The following PLEKHH1 variants were observed in gnomAD, a reference collection of about 807,000 sequenced individuals.
The protein encoded by PLEKHH1 is pleckstrin homology domain-containing family H member 1.
A neutral mutation model predicts 160.0 loss-of-function variants in PLEKHH1; 104 were observed. The observed-to-expected ratio is 0.65, with a 90% confidence interval of 0.55 to 0.76. The LOEUF is 0.76. PLEKHH1 is among the 30% of genes least tolerant of loss of function. The probability of loss-of-function intolerance (pLI) is 0.00; values close to 1 mark genes in which losing one functional copy is unlikely to be tolerated. For synonymous variants in PLEKHH1, 619 were observed against 678.4 expected (o/e 0.91, Z 1.36); for missense variants, 1,427 against 1,724.1 (o/e 0.83, Z 3.05).
chr14:67,549,051 A>T (rs971237801), intron 2 of PLEKHH1, among the ~76,000 whole-genome samples: 1 of 152,232 alleles, frequency 6.6e-6, no homozygotes, highest in Non-Finnish European at 1.5e-5. Flanking sequence ...CCAGAAAAAC[A>T]TATCCTAAAA....
At chr14:67,558,498 C>T (rs1428261910) in intron 4 of PLEKHH1, among the ~76,000 whole-genome samples, 1 of 152,198 alleles carries the variant, frequency 6.6e-6, no homozygotes, top group Non-Finnish European at 1.5e-5. Context: ...TGATTTTAGA[C>T]ATACCTTCTC....
At chr14:67,571,983 C>A in intron 10 of PLEKHH1, 81 bp downstream of exon 10, 2 of 1,508,972 alleles carry the variant, frequency 1.3e-6, no homozygotes, top group South Asian at 1.2e-5. Flanking sequence ...ACATGGGCGT[C>A]CCCACTTGAT....
rs376972291 is a variant in PLEKHH1, at chr14:67,587,066, C to A, written c.3934-8C>A. ...TTCAATTCCTTCACATCTCTGACCT[C>A]CTCTTAGATTGCAGAAGCTACCTTC... On this transcript the variant is annotated splice_region_variant and splice_polypyrimidine_tract_variant and intron_variant, in intron 28 of 28. Coordinates refer to ENST00000329153, the MANE Select transcript of PLEKHH1 (RefSeq NM_020715.3). 8.4e-5 allele frequency: 134 copies of A among 1,586,382 alleles called. No homozygotes were observed. The African/African-American group carries it at 1.7e-3, about 20-fold the overall frequency.
At chr14:67,569,070 C>A (rs2035244137) in intron 7 of PLEKHH1, 68 bp from the exon 8 acceptor site, 2 of 1,086,686 alleles carry the variant, frequency 1.8e-6, no homozygotes, top group Non-Finnish European at 2.8e-6. Context: ...CTTTTTCCTG[C>A]ACATGCCTGG....
chr14:67,587,122 A>G lies in PLEKHH1; in HGVS notation c.3982A>G (p.Thr1328Ala), dbSNP rs1366450580. 2.0e-5 allele frequency: 32 copies of G among 1,613,638 alleles called. No homozygotes were observed. Among genetic ancestry groups the G allele is most frequent in the Non-Finnish European group, 2.7e-5 (32 of 1,179,804 alleles). Residue 1328 changes from threonine (T) to alanine (A), a missense_variant, in exon 29 of 29, where the codon ACA becomes GCA. Physicochemically the swap from Thr to Ala is moderately conservative, Grantham distance 58. This residue lies in a region of PLEKHH1 where 96 missense variants were observed against 97.6 expected (regional missense o/e 0.98). Coordinates refer to ENST00000329153, the MANE Select transcript of PLEKHH1 (RefSeq NM_020715.3). ...IMASYMNHCT[T>A]TVNPPTNPPG... is the part of the protein sequence containing the mutation. ...GGCCAGCTATATGAACCATTGCACT[A>G]CAACTGTGAACCCCCCCACCAACCC...
In PLEKHH1 at chr14:67,576,310, G is replaced by A. The variant is rs1003437694; in HGVS notation, c.2353-85G>A. ...AACTAGCTGAACCCCACATGGGCTT[G>A]GTCCCTTCAAGGAGTCCTCCTTGGA... On this transcript the variant is annotated intron_variant, in intron 16 of 28. Coordinates refer to ENST00000329153, the MANE Select transcript of PLEKHH1 (RefSeq NM_020715.3). The surrounding 1 kb of genome is among the most constrained non-coding windows in gnomAD (Gnocchi z 4.0). 1.5e-5 allele frequency: 11 copies of A among 731,026 alleles called. No homozygotes were observed. The highest frequency in any genetic ancestry group is 3.6e-5 in the South Asian group (2 of 55,944). 45.3% of individuals were successfully genotyped at this position (731,026 alleles called of 1,614,324 possible). A position where few individuals can be genotyped will look rare whatever the true frequency, so the allele number is the denominator to read the frequency against.
intron 1 of PLEKHH1, among the ~76,000 whole-genome samples, chr14:67,538,272 G>A (rs2033821813): frequency 6.6e-6 from 1 of 152,182 alleles, no homozygotes; most frequent in Non-Finnish European, 1.5e-5. Flanking sequence ...GAGGACAATT[G>A]TAGATATTGG....
In PLEKHH1 at chr14:67,578,125, C is replaced by T. The variant is rs569001233; in HGVS notation, c.2677C>T (p.Leu893=). The change falls in exon 19 of 29, where the codon CTG becomes TTG. Residue 893 remains leucine (L), a synonymous_variant. Coordinates refer to ENST00000329153, the MANE Select transcript of PLEKHH1 (RefSeq NM_020715.3). This position sits in a 1 kb window ranked among gnomAD's most constrained non-coding sequence, Gnocchi z 5.0. ...GCAGGTCTGCCTGGTTCACCCCGAG[C>T]TGCAGAGTGAGATCTACTGCCAACT... ...ALQVCLVHPE[L]QSEIYCQLMK... 13 of 1,613,918 alleles carry T rather than the reference C, an allele frequency of 8.1e-6. No homozygotes were observed. In the South Asian group the frequency reaches 1.3e-4, roughly 16 times the overall value.
At chr14:67,537,675 G>T (rs1436735442) in intron 1 of PLEKHH1, among the ~76,000 whole-genome samples, 1 of 151,514 alleles carries the variant, frequency 6.6e-6, no homozygotes, top group African/African-American at 2.4e-5. Context: ...AAAAGAAAAA[G>T]AAAAAAAAGT....
chr14:67,583,727 T>C lies in PLEKHH1; in HGVS notation c.3427-14T>C. 6.2e-7 allele frequency: 1 copy of C among 1,604,794 alleles called. No individual in the cohort carries two copies. The highest frequency in any genetic ancestry group is 8.5e-7 in the Non-Finnish European group (1 of 1,174,418). On this transcript the variant is annotated splice_polypyrimidine_tract_variant and intron_variant, in intron 24 of 28. Coordinates refer to ENST00000329153, the MANE Select transcript of PLEKHH1 (RefSeq NM_020715.3). The stretch of plus-strand genomic sequence containing the variant: ...TCAGATTTTGACTGGTCTCTTCATA[T>C]GCTTCTACCACAGGTAGAATATGGG...
chr14:67,583,141 A>G (rs1457506221), intron 24 of PLEKHH1, among the ~76,000 whole-genome samples: 1 of 152,198 alleles, frequency 6.6e-6, no homozygotes, highest in Non-Finnish European at 1.5e-5. Flanking sequence ...AAGAATAAGA[A>G]TCTGGATTTA....
In PLEKHH1 at chr14:67,579,149, G is replaced by A; in HGVS notation, c.2865G>A (p.Gln955=). Reference sequence around the variant, plus strand: ...GTCTTTTTAGAAGTGAAACTGGCCAGTATGCCACCTACTGCCAGCGGGCAG... The same window carrying A: ...GTCTTTTTAGAAGTGAAACTGGCCAATATGCCACCTACTGCCAGCGGGCAG... ...RHADPRSETG[Q]YATYCQRAVE... Residue 955 remains glutamine (Q), a synonymous_variant, in exon 21 of 29, where the codon CAG becomes CAA. Transcript: ENST00000329153. The A allele has an allele frequency of 6.2e-7, 1 of 1,606,936 alleles. No homozygotes were observed. The highest frequency in any genetic ancestry group is 1.7e-5 in the Admixed American group (1 of 57,930).
At chr14:67,585,376 G>A (rs2036102811) in intron 26 of PLEKHH1, 192 bp from the exon 27 acceptor site, 1 of 567,456 alleles carries the variant, frequency 1.8e-6, no homozygotes, top group East Asian at 3.0e-5. Flanking sequence ...CCAAGGCCAA[G>A]GGTCTCCTGT....
chr14:67,578,466 T>C lies in PLEKHH1; in HGVS notation c.2752-68T>C, dbSNP rs1360775008. The stretch of plus-strand genomic sequence containing the variant: ...GAAAGAGTGCTGAAGGCTCTGTAGC[T>C]CAGGGCTATGAGGACAGGTGGTGCT... On this transcript the variant is annotated intron_variant, in intron 19 of 28. Coordinates refer to ENST00000329153, the MANE Select transcript of PLEKHH1 (RefSeq NM_020715.3). This position sits in a 1 kb window ranked among gnomAD's most constrained non-coding sequence, Gnocchi z 5.0. 8.8e-6 allele frequency: 10 copies of C among 1,131,436 alleles called. No homozygotes were observed. The highest frequency in any genetic ancestry group is 7.9e-5 in the South Asian group (6 of 76,202). 70.1% of individuals were successfully genotyped at this position (1,131,436 alleles called of 1,614,324 possible). A position where few individuals can be genotyped will look rare whatever the true frequency, so the allele number is the denominator to read the frequency against.
chr14:67,582,525 T>TA lies in PLEKHH1; in HGVS notation c.3426+321dup, dbSNP rs905392595. Among the ~76,000 whole-genome samples, 1 of 152,004 alleles carries TA rather than the reference T, an allele frequency of 6.6e-6. No individual in the cohort carries two copies. ...TAGTTTCCTTCTCAGTATACCAAAA[T>TA]AAAAAATACTTGGCCGGGAGCAGTG... On this transcript the variant is annotated intron_variant, in intron 24 of 28. Coordinates refer to ENST00000329153, the MANE Select transcript of PLEKHH1 (RefSeq NM_020715.3). The surrounding 1 kb of genome is among the most constrained non-coding windows in gnomAD (Gnocchi z 5.0).
Position 67,573,271 on chromosome 14 carries a change from C to A in PLEKHH1, c.1729-5C>A, listed in dbSNP as rs753583343. The A allele has an allele frequency of 1.9e-6, 3 of 1,592,196 alleles. No homozygotes were observed. The highest frequency in any genetic ancestry group is 2.7e-5 in the African/African-American group (2 of 74,544). On this transcript the variant is annotated splice_polypyrimidine_tract_variant and splice_region_variant and intron_variant, in intron 11 of 28. Coordinates refer to ENST00000329153, the MANE Select transcript of PLEKHH1 (RefSeq NM_020715.3). The surrounding 1 kb of genome is among the most constrained non-coding windows in gnomAD (Gnocchi z 4.8). The stretch of plus-strand genomic sequence containing the variant: ...TTTCTTCATCTACACCCTTCCACCC[C>A]TCAGGAGTCACTGGAGAAGTCGGGC...
rs761928002 is a variant in PLEKHH1, at chr14:67,562,085, T to G, written c.505+50T>G. 14 of 1,603,726 alleles carry G rather than the reference T, an allele frequency of 8.7e-6. No individual in the cohort carries two copies. In the African/African-American group the frequency reaches 1.5e-4, roughly 17 times the overall value. On this transcript the variant is annotated intron_variant, in intron 6 of 28. Transcript: ENST00000329153. Reference sequence around the variant, plus strand: ...GTGCAGTACGTGTGTTTGGTGGGTATGGGGCTGAGCTACGGGAGCTCTCAA... The same window carrying G: ...GTGCAGTACGTGTGTTTGGTGGGTAGGGGGCTGAGCTACGGGAGCTCTCAA...
chr14:67,535,892 A>G (rs534463396), intron 1 of PLEKHH1, among the ~76,000 whole-genome samples: 4 of 152,358 alleles, frequency 2.6e-5, no homozygotes, highest in Non-Finnish European at 5.9e-5. Context: ...TGACGGTTTC[A>G]TATGGTTCAA....
intron 9 of PLEKHH1, chr14:67,570,353 A>T (rs756426117): frequency 2.1e-6 from 2 of 962,310 alleles, no homozygotes; most frequent in Non-Finnish European, 2.5e-6. Context: ...ATTCCAACTT[A>T]TATTCCCGTA....
Sources: gnomAD v4.1 joint callset for allele counts (sites outside exome capture counted in the v4.1 genomes callset) on GRCh38, gnomAD v4.1.1 for gene constraint, gnomAD v4.1.1 regional missense constraint, Gnocchi (gnomAD v3.1) non-coding constraint, MANE v1.5 for transcripts, NCBI Gene and HGNC (gene_info 2026-07-23, HGNC 2026-07-21) for gene names.